CUL3: variants seen among roughly 807,000 people sequenced by gnomAD.
CUL3 encodes cullin-3.
CUL3 carries 19 observed loss-of-function variants against 89.1 expected under a neutral mutation model. That is an observed-to-expected ratio of 0.21 (90% CI 0.15 to 0.31). The LOEUF (loss-of-function observed/expected upper bound fraction) is 0.31, where lower values mean the gene tolerates loss of function less well. Among genes scored for constraint, CUL3 ranks in the 10% least tolerant of loss-of-function variants. The pLI, the probability that CUL3 is intolerant of heterozygous loss-of-function variation, is 1.00. For missense variants in CUL3, 469 were observed against 942.3 expected, an observed-to-expected ratio of 0.50 and a Z score of 6.58; for synonymous variants, 351 against 308.4, an observed-to-expected ratio of 1.14 and a Z score of -1.45.
chr2:224,488,164 A>G (rs1429726923), intron 13 of CUL3, among the ~76,000 whole-genome samples: 1 of 152,204 alleles, frequency 6.6e-6, no homozygotes, highest in Non-Finnish European at 1.5e-5. Context: ...TAAAATTGAC[A>G]CCCTAACATC....
At chr2:224,552,172 T>C (rs2106294522) in intron 2 of CUL3, among the ~76,000 whole-genome samples, 1 of 152,318 alleles carries the variant, frequency 6.6e-6, no homozygotes, top group South Asian at 2.1e-4. Context: ...TAATATATAT[T>C]CTAAACGTCT....
intron 1 of CUL3, among the ~76,000 whole-genome samples, chr2:224,577,565 G>T (rs1286559908): frequency 1.3e-5 from 1 of 75,238 alleles, no homozygotes; most frequent in Non-Finnish European, 2.5e-5. Context: ...CGGAGACTCT[G>T]TCTCAAAAAA....
At chr2:224,545,959 T>C (rs781131654) in intron 2 of CUL3, among the ~76,000 whole-genome samples, 27 of 152,214 alleles carry the variant, frequency 1.8e-4, no homozygotes, top group Non-Finnish European at 3.5e-4. Flanking sequence ...TCAAATATGC[T>C]TTTAAACTGG....
intron 1 of CUL3, among the ~76,000 whole-genome samples, chr2:224,565,198 T>G (rs1695012762): frequency 1.3e-5 from 2 of 152,244 alleles, no homozygotes; most frequent in Admixed American, 1.3e-4. Flanking sequence ...TTTTGTATGT[T>G]ACATGTATTA....
chr2:224,508,899 T>C (rs990745163), intron 6 of CUL3, among the ~76,000 whole-genome samples: 4 of 144,834 alleles, frequency 2.8e-5, no homozygotes, highest in Admixed American at 7.2e-5. Context: ...GAGGCAGAGC[T>C]TGCAGTGAGC....
Position 224,514,859 on chromosome 2 carries a change from A to G in CUL3, c.379-87T>C, listed in dbSNP as rs192465549. On this transcript the variant is annotated intron_variant, in intron 3 of 15. Coordinates refer to ENST00000264414, the MANE Select transcript of CUL3 (RefSeq NM_003590.5). ...TACAATAACAAATAAAGGAAATAAA[A>G]TTCCAAAAGCAATCATTTTTCAGGT... The G allele has an allele frequency of 8.5e-4, 837 of 983,040 alleles. 4 individuals are homozygous for G. Among genetic ancestry groups the G allele is most frequent in the Admixed American group, 1.3e-3 (48 of 38,192 alleles). 60.9% of individuals were successfully genotyped at this position (983,040 alleles called of 1,614,324 possible).
intron 3 of CUL3, among the ~76,000 whole-genome samples, chr2:224,516,728 T>G (rs544412542): frequency 8.2e-4 from 125 of 151,628 alleles, no homozygotes; most frequent in African/African-American, 3.0e-3. Context: ...CTCACTGCAA[T>G]CTCTACCTCC....
intron 2 of CUL3, among the ~76,000 whole-genome samples, chr2:224,556,976 A>G (rs565218924): frequency 1.2e-4 from 18 of 152,148 alleles, no homozygotes; most frequent in Non-Finnish European, 2.2e-4. Flanking sequence ...AAATACCCCA[A>G]TACCACATAA....
At chr2:224,503,884 T>C in intron 8 of CUL3, 62 bp from the exon 9 acceptor site, 1 of 1,241,536 alleles carries the variant, frequency 8.1e-7, no homozygotes. Flanking sequence ...AGTACTACGG[T>C]TCATTTACAG....
chr2:224,551,352 C>T, intron 2 of CUL3, among the ~76,000 whole-genome samples: 1 of 151,988 alleles, frequency 6.6e-6, no homozygotes, highest in Admixed American at 6.6e-5. Flanking sequence ...ACTACAGGTG[C>T]CCGCCACCAC....
At chr2:224,569,084 AT>A (rs1695117193) in intron 1 of CUL3, among the ~76,000 whole-genome samples, 1 of 152,160 alleles carries the variant, frequency 6.6e-6, no homozygotes, top group Non-Finnish European at 1.5e-5. Flanking sequence ...CTCTAACTTT[AT>A]GTATTAATAT....
intron 3 of CUL3, among the ~76,000 whole-genome samples, chr2:224,521,976 T>C (rs1188755503): frequency 6.6e-6 from 1 of 151,638 alleles, no homozygotes; most frequent in East Asian, 1.9e-4. Context: ...AAGACAAATG[T>C]AAACAGGGTT....
chr2:224,523,375 G>A (rs1313167472), intron 3 of CUL3, among the ~76,000 whole-genome samples: 14 of 139,878 alleles, frequency 1.0e-4, no homozygotes, highest in Middle Eastern at 3.4e-3. Context: ...ATACCCATTA[G>A]AAGAGTTACT....
intron 1 of CUL3, among the ~76,000 whole-genome samples, chr2:224,563,880 T>G (rs1048938061): frequency 2.6e-5 from 4 of 152,186 alleles, no homozygotes; most frequent in African/African-American, 9.7e-5. Context: ...TGCTGACAAT[T>G]CAGAAATGCC....
intron 3 of CUL3, among the ~76,000 whole-genome samples, chr2:224,515,985 CG>C (rs1693025597): frequency 6.6e-6 from 1 of 152,010 alleles, no homozygotes; most frequent in Non-Finnish European, 1.5e-5. Context: ...CCACCATGCC[CG>C]GCCCCAAACA....
intron 1 of CUL3, among the ~76,000 whole-genome samples, chr2:224,575,237 T>TAA (rs1695272731): frequency 6.6e-6 from 1 of 152,246 alleles, no homozygotes; most frequent in South Asian, 2.1e-4. Context: ...GGACAATGAT[T>TAA]AAAGTTTGGA....
rs1171763450 is a variant in CUL3 at position 224,585,248 on chromosome 2, C to G, written c.-239G>C. 5 of 393,348 alleles carry G rather than the reference C, an allele frequency of 1.3e-5. No individual in the cohort carries two copies. Among genetic ancestry groups the G allele is most frequent in the Non-Finnish European group, 2.2e-5 (5 of 224,180 alleles). 24.4% of individuals were successfully genotyped at this position (393,348 alleles called of 1,614,324 possible). A position where few individuals can be genotyped will look rare whatever the true frequency, so the allele number is the denominator to read the frequency against. ...CGGCTGGGGGGCTGCGCTGGCGCGG[C>G]GGCTCCGCGGGGTCCCCCTCACGTC... On this transcript the variant is annotated 5_prime_UTR_variant, in exon 1 of 16. Coordinates refer to ENST00000264414, the MANE Select transcript of CUL3 (RefSeq NM_003590.5).
In CUL3 at chr2:224,470,197, A is replaced by G. The variant is rs1025980836; in HGVS notation, c.*4048T>C. On this transcript the variant is annotated 3_prime_UTR_variant, in exon 16 of 16. Coordinates refer to ENST00000264414, the MANE Select transcript of CUL3 (RefSeq NM_003590.5). ...TTTCCCACATTGCAATAAATCTTGT[A>G]TGCAATAAAGTTTATTAGTTGAACT... 1 of 202,616 alleles carries G rather than the reference A, an allele frequency of 4.9e-6. No individual in the cohort carries two copies. 12.6% of individuals were successfully genotyped at this position (202,616 alleles called of 1,614,324 possible).
chr2:224,503,195 A>G (rs1692456502), intron 9 of CUL3, 123 bp from the exon 10 acceptor site: 1 of 716,004 alleles, frequency 1.4e-6, no homozygotes, highest in African/African-American at 1.8e-5. Context: ...AATTTTTCCA[A>G]CAGTTGCTCT....
Sources: gnomAD v4.1 joint callset for allele counts (sites outside exome capture counted in the v4.1 genomes callset) on GRCh38, gnomAD v4.1.1 for gene constraint, MANE v1.5 for transcripts, NCBI Gene and HGNC (gene_info 2026-07-23, HGNC 2026-07-21) for gene names.